ASIC2: variants seen among roughly 807,000 people sequenced by gnomAD.
ASIC2 encodes acid-sensing ion channel 2.
A neutral mutation model predicts 57.3 loss-of-function variants in ASIC2; 25 were observed. The observed-to-expected ratio is 0.44, with a 90% confidence interval of 0.32 to 0.61. The LOEUF is 0.61. Ranked by LOEUF, ASIC2 falls within the 20% of genes least tolerant of loss-of-function variation. The probability of loss-of-function intolerance (pLI) is 0.06; values close to 1 mark genes in which losing one functional copy is unlikely to be tolerated. For synonymous variants in ASIC2, 319 were observed against 307.5 expected (o/e 1.04, Z -0.39); for missense variants, 641 against 738.1 (o/e 0.87, Z 1.52).
At chr17:33,738,798 C>T (rs1228370061) in intron 1 of ASIC2, among the ~76,000 whole-genome samples, 5 of 152,212 alleles carry the variant, frequency 3.3e-5, no homozygotes, top group African/African-American at 1.2e-4. Context: ...CCCGCTAGAA[C>T]AAGGTGTATC....
Position 33,206,188 on chromosome 17 carries a change from C to T in ASIC2, c.708+85220G>A, listed in dbSNP as rs558911032. Among the ~76,000 whole-genome samples the T allele has an allele frequency of 7.2e-5, 11 of 152,268 alleles. No individual in the cohort carries two copies. The East Asian group carries it at 1.7e-3, about 24-fold the overall frequency. Reference sequence around the variant, plus strand: ...CAAAACAGCAGCATCATACTTCCCACGAAACAGAAATGCTTGCTTGGTATC... The same window carrying T: ...CAAAACAGCAGCATCATACTTCCCATGAAACAGAAATGCTTGCTTGGTATC... On this transcript the variant is annotated intron_variant, in intron 1 of 9. Coordinates refer to ENST00000225823, the MANE Select transcript of ASIC2 (RefSeq NM_183377.2).
intron 2 of ASIC2, among the ~76,000 whole-genome samples, chr17:33,097,654 A>G (rs1291670629): frequency 6.6e-6 from 1 of 152,236 alleles, no homozygotes; most frequent in African/African-American, 2.4e-5. Flanking sequence ...CATTGGTGCC[A>G]GATGACAAGC....
At chr17:33,745,791 T>C (rs1910241964) in intron 1 of ASIC2, among the ~76,000 whole-genome samples, 1 of 152,062 alleles carries the variant, frequency 6.6e-6, no homozygotes, top group East Asian at 1.9e-4. Flanking sequence ...TTATGGAAAA[T>C]ACTAAAGGAA....
At position 33,475,906 on chromosome 17, in the gene ASIC2, A is replaced by C. The variant is rs148795434; in HGVS notation, c.556-363839T>G. Among the ~76,000 whole-genome samples the C allele has an allele frequency of 8.4e-3, 1,274 of 152,316 alleles. 18 individuals are homozygous for C. Among genetic ancestry groups the C allele is most frequent in the African/African-American group, 0.028 (1,181 of 41,574 alleles). Reference sequence around the variant, plus strand: ...CCATAAACACTGGCAATTCTCTTGCAATTTTGATCCATTCTCCACGTCTAG... The same window carrying C: ...CCATAAACACTGGCAATTCTCTTGCCATTTTGATCCATTCTCCACGTCTAG... On this transcript the variant is annotated intron_variant, in intron 1 of 9. Coordinates refer to the ASIC2 transcript ENST00000359872.
At position 33,668,272 on chromosome 17, in the gene ASIC2, C is replaced by CTTTTTTTT. The variant is rs397856474; in HGVS notation, c.555+487698_555+487705dup. 1.6e-4 allele frequency among the ~76,000 whole-genome samples: 10 copies of CTTTTTTTT among 61,418 alleles called. 1 individual carries two copies. The highest frequency in any genetic ancestry group is 1.9e-4 in the Non-Finnish European group (5 of 26,344). The allele number at this position is 61,418 out of a possible 152,430, so 40.3% of individuals were successfully genotyped here. Reference sequence around the variant, plus strand: ...CTGATTGCTTCTCCAATCAAATGTTCTTTTTTTTTTTTTTTTTTTTTTTTT... The same window carrying CTTTTTTTT: ...CTGATTGCTTCTCCAATCAAATGTTCTTTTTTTTTTTTTTTTTTTTTTTTTTTTTTTTT... On this transcript the variant is annotated intron_variant, in intron 1 of 9. Transcript: ENST00000359872.
At chr17:33,873,798 A>G (rs1597911290) in intron 1 of ASIC2, among the ~76,000 whole-genome samples, 1 of 152,208 alleles carries the variant, frequency 6.6e-6, no homozygotes, top group South Asian at 2.1e-4. Context: ...AATGAGAATC[A>G]TGCCCGACCG....
intron 1 of ASIC2, among the ~76,000 whole-genome samples, chr17:34,044,439 G>A (rs188416989): frequency 2.6e-5 from 4 of 152,180 alleles, no homozygotes; most frequent in Middle Eastern, 3.4e-3. Flanking sequence ...AATAGGATGC[G>A]GCTGTGGTTC....
At chr17:33,453,108 C>T (rs1166539863) in intron 1 of ASIC2, among the ~76,000 whole-genome samples, 2 of 152,116 alleles carry the variant, frequency 1.3e-5, no homozygotes, top group East Asian at 3.9e-4. Flanking sequence ...CTGAATATCA[C>T]ATGGTCTTCC....
intron 1 of ASIC2, chr17:34,147,107 C>G (rs1168112537): frequency 6.6e-6 from 1 of 152,174 alleles, no homozygotes; most frequent in Non-Finnish European, 1.5e-5. Flanking sequence ...CCACTCCCAA[C>G]ATAAGTTAAA....
At chr17:33,093,566 T>C (rs150901814) in intron 2 of ASIC2, among the ~76,000 whole-genome samples, 2 of 152,226 alleles carry the variant, frequency 1.3e-5, no homozygotes, top group Non-Finnish European at 2.9e-5. Flanking sequence ...AAGATAATGC[T>C]GAACCAAGAG....
chr17:34,031,556 ACTACT>A (rs1907612453), intron 1 of ASIC2, among the ~76,000 whole-genome samples: 5 of 152,214 alleles, frequency 3.3e-5, no homozygotes, highest in African/African-American at 1.2e-4. Flanking sequence ...AGATGATCAA[ACTACT>A]CCAAGCTACA....
rs537624266 is a variant in ASIC2, at chr17:33,544,629, A to G, written c.556-432562T>C. 2.0e-4 allele frequency among the ~76,000 whole-genome samples: 30 copies of G among 152,322 alleles called. 1 individual carries two copies. Among genetic ancestry groups the G allele is most frequent in the African/African-American group, 6.3e-4 (26 of 41,572 alleles). On this transcript the variant is annotated intron_variant, in intron 1 of 9. Coordinates refer to the ASIC2 transcript ENST00000359872. ...TTTCGTTGACTCTAAGATGCCATCA[A>G]TTTTAAGATGCGCCATTATTTTACA...
chr17:34,039,759 G>A, intron 1 of ASIC2: 1 of 1,611,984 alleles, frequency 6.2e-7, no homozygotes, highest in Non-Finnish European at 8.5e-7. Context: ...CGCTGCACAA[G>A]CTCTGGTTGG....
At chr17:33,687,181 G>A (rs556685937) in intron 1 of ASIC2, among the ~76,000 whole-genome samples, 16 of 152,264 alleles carry the variant, frequency 1.1e-4, no homozygotes, top group African/African-American at 3.9e-4. Flanking sequence ...AGAACTGTAC[G>A]AGGCACATCA....
intron 1 of ASIC2, among the ~76,000 whole-genome samples, chr17:33,890,060 G>T (rs1011560062): frequency 6.6e-6 from 1 of 151,964 alleles, no homozygotes. Flanking sequence ...GTTCAATATG[G>T]TAGCCACTAG....
At chr17:33,513,920 C>A (rs1055051408) in intron 1 of ASIC2, among the ~76,000 whole-genome samples, 3 of 152,194 alleles carry the variant, frequency 2.0e-5, no homozygotes, top group Admixed American at 6.5e-5. Flanking sequence ...TCAGGGGTGA[C>A]CTTAGACGCC....
intron 1 of ASIC2, among the ~76,000 whole-genome samples, chr17:33,575,077 C>T (rs565145894): frequency 2.6e-5 from 4 of 152,162 alleles, no homozygotes; most frequent in South Asian, 2.1e-4. Context: ...ATATGACCAA[C>T]GCCTGGCCTC....
intron 1 of ASIC2, among the ~76,000 whole-genome samples, chr17:34,145,380 C>T (rs927931684): frequency 1.3e-5 from 2 of 152,098 alleles, no homozygotes; most frequent in Admixed American, 6.5e-5. Flanking sequence ...CACCTCTGAC[C>T]CCAACTATCT....
At chr17:33,507,408 C>T (rs1389601344) in intron 1 of ASIC2, among the ~76,000 whole-genome samples, 1 of 152,060 alleles carries the variant, frequency 6.6e-6, no homozygotes, top group Non-Finnish European at 1.5e-5. Context: ...GGTTTGTTTC[C>T]CAGGCTGATA....
Sources: gnomAD v4.1 joint callset for allele counts (sites outside exome capture counted in the v4.1 genomes callset) on GRCh38, gnomAD v4.1.1 for gene constraint, MANE v1.5 for transcripts, NCBI Gene and HGNC (gene_info 2026-07-23, HGNC 2026-07-21) for gene names.